The following HMGXB4 variants were observed in gnomAD, a reference collection of about 807,000 sequenced individuals.
HMGXB4 encodes HMG domain-containing protein 4.
HMGXB4 carries 27 observed loss-of-function variants against 63.9 expected under a neutral mutation model. That is an observed-to-expected ratio of 0.42 (90% CI 0.31 to 0.58). The LOEUF (loss-of-function observed/expected upper bound fraction) is 0.58, where lower values mean the gene tolerates loss of function less well. Ranked by LOEUF, HMGXB4 falls within the 20% of genes least tolerant of loss-of-function variation. The pLI, the probability that HMGXB4 is intolerant of heterozygous loss-of-function variation, is 0.13. For synonymous variants in HMGXB4, 264 were observed against 265.3 expected (o/e 0.99, Z 0.05); for missense variants, 624 against 700.7 (o/e 0.89, Z 1.24).
chr22:35,281,548 C>G (rs1279147638), intron 5 of HMGXB4, among the ~76,000 whole-genome samples: 2 of 152,164 alleles, frequency 1.3e-5, no homozygotes, highest in African/African-American at 4.8e-5. Flanking sequence ...GAACATTAAC[C>G]TTTTACAGTA....
At position 35,265,378 on chromosome 22, in the gene HMGXB4, C is replaced by G. The variant is rs751136807; in HGVS notation, c.990C>G (p.Asp330Glu). Reference protein sequence around the residue: ...KKSKKSKKKKDKEKHKEKRHS... With the variant: ...KKSKKSKKKKEKEKHKEKRHS... ...CAAAGAAGAGCAAAAAGAAGAAAGA[C>G]AAGGAGAAGCATAAAGAGAAGCGAC... Residue 330 changes from aspartate to glutamate, a missense_variant, in exon 5 of 11, where the codon GAC becomes GAG. Coordinates refer to ENST00000216106, the MANE Select transcript of HMGXB4 (RefSeq NM_001003681.3). The G allele has an allele frequency of 1.2e-6, 2 of 1,613,684 alleles. No homozygotes were observed. The highest frequency in any genetic ancestry group is 1.7e-6 in the Non-Finnish European group (2 of 1,179,938).
chr22:35,242,638 C>G, the HMGXB4 span, among the ~76,000 whole-genome samples: 1 of 151,934 alleles, frequency 6.6e-6, no homozygotes, highest in African/African-American at 2.4e-5. Flanking sequence ...GATTTTGCCT[C>G]TTATTTGTAT....
intron 5 of HMGXB4, 136 bp downstream of exon 5, chr22:35,265,739 TA>T: frequency 8.1e-7 from 1 of 1,240,948 alleles, no homozygotes; most frequent in South Asian, 1.7e-5. Context: ...TGGAATGATA[TA>T]AAGTATAAAA....
At chr22:35,280,977 A>C (rs945637768) in intron 5 of HMGXB4, among the ~76,000 whole-genome samples, 5 of 152,210 alleles carry the variant, frequency 3.3e-5, no homozygotes, top group Non-Finnish European at 5.9e-5. Flanking sequence ...TTAGAATGAC[A>C]TATTTAACTG....
chr22:35,286,041 T>A lies in HMGXB4; in HGVS notation c.1342T>A (p.Leu448Ile). ...SKKLAEVWKQ[L>I]PEKDKLIWKQ... Reference sequence around the variant, plus strand: ...AAAACTGGCTGAGGTGTGGAAGCAATTACCAGAAAAAGACAAACTGGTAAG... The same window carrying A: ...AAAACTGGCTGAGGTGTGGAAGCAAATACCAGAAAAAGACAAACTGGTAAG... Residue 448 changes from leucine (L) to isoleucine (I), a missense_variant, in exon 7 of 11, where the codon TTA (leucine) becomes ATA (isoleucine). By Grantham distance (5) the Leu-to-Ile change is conservative. This residue lies in a region of HMGXB4 where 152 missense variants were observed against 230.1 expected (regional missense o/e 0.66). Coordinates refer to ENST00000216106, the MANE Select transcript of HMGXB4 (RefSeq NM_001003681.3). 1 of 1,608,810 alleles carries A rather than the reference T, an allele frequency of 6.2e-7. No individual in the cohort carries two copies. Among genetic ancestry groups the A allele is most frequent in the Non-Finnish European group, 8.5e-7 (1 of 1,178,790 alleles).
intron 7 of HMGXB4, chr22:35,287,140 A>C: frequency 2.0e-6 from 1 of 502,162 alleles, no homozygotes; most frequent in Non-Finnish European, 3.7e-6. Context: ...GCATTGAGGA[A>C]TGTTTATAGT....
rs1337284448 is a variant in HMGXB4 at position 35,263,220 on chromosome 22, G to A, written c.174G>A (p.Lys58=). 2 of 1,609,684 alleles carry A rather than the reference G, an allele frequency of 1.2e-6. No homozygotes were observed. Among genetic ancestry groups the A allele is most frequent in the East Asian group, 2.2e-5 (1 of 44,764 alleles). ...AGGTCAGGAATTCTTCCAAGAAGAA[G>A]TTGAAGGTAAGTCCTGAAAATTTAA... The part of the protein sequence containing the change: ...AAQVRNSSKK[K]LKDSELYFLG... Residue 58 remains lysine, a synonymous_variant, in exon 3 of 11, where the codon AAG becomes AAA. Coordinates refer to ENST00000216106, the MANE Select transcript of HMGXB4 (RefSeq NM_001003681.3).
In HMGXB4 at chr22:35,262,351, GGACACAGT is replaced by G; in HGVS notation, c.-33_-26del. 1 of 1,607,102 alleles carries G rather than the reference GGACACAGT, an allele frequency of 6.2e-7. No homozygotes were observed. Among genetic ancestry groups the G allele is most frequent in the Non-Finnish European group, 8.5e-7 (1 of 1,173,576 alleles). On this transcript the variant is annotated 5_prime_UTR_variant, in exon 2 of 11. Transcript: ENST00000216106. ...TGGTCCTGTAGACGGGAAGGAGCCT[GGACACAGT>G]GACACATTCTCAAAGGCCCTGCAGG...
rs780881420 is a variant in HMGXB4, at chr22:35,265,366, AAAG to A, written c.984_986del (p.Lys329del). On this transcript the variant is annotated inframe_deletion, in exon 5 of 11. Coordinates refer to ENST00000216106, the MANE Select transcript of HMGXB4 (RefSeq NM_001003681.3). ...AGAAAAAGAAGTCAAAGAAGAGCAA[AAAG>A]AAGAAAGACAAGGAGAAGCATAAAG... 8 of 1,613,942 alleles carry A rather than the reference AAAG, an allele frequency of 5.0e-6. No individual in the cohort carries two copies. The Admixed American group carries it at 1.0e-4, about 20-fold the overall frequency.
chr22:35,289,498 G>A (rs1924803718), intron 9 of HMGXB4, among the ~76,000 whole-genome samples: 1 of 152,156 alleles, frequency 6.6e-6, no homozygotes, highest in Non-Finnish European at 1.5e-5. Context: ...GAAAAAGGAT[G>A]AGTACAAATT....
chr22:35,276,853 T>TG (rs1923941996), intron 5 of HMGXB4, among the ~76,000 whole-genome samples: 1 of 152,252 alleles, frequency 6.6e-6, no homozygotes, highest in African/African-American at 2.4e-5. Context: ...ATAAAGGTCT[T>TG]GCTGCTATTT....
chr22:35,263,325 C>G (rs1922987711), intron 3 of HMGXB4, 99 bp downstream of exon 3: 5 of 957,746 alleles, frequency 5.2e-6, no homozygotes, highest in Admixed American at 2.8e-5. Context: ...CTCTCATGGC[C>G]CAGGCTTGAA....
intron 3 of HMGXB4, 130 bp from the exon 4 acceptor site, chr22:35,263,666 G>A (rs1923010870): frequency 1.5e-6 from 1 of 673,436 alleles, no homozygotes; most frequent in South Asian, 1.8e-5. Flanking sequence ...AAAATAAAAC[G>A]TTATGCACAT....
intron 6 of HMGXB4, 139 bp from the exon 7 acceptor site, chr22:35,285,857 TG>T: frequency 1.7e-6 from 1 of 602,582 alleles, no homozygotes; most frequent in South Asian, 2.1e-5. Flanking sequence ...GTGATGGGAT[TG>T]GGGTTGGTTT....
At chr22:35,254,214 G>A (rs1406240001), upstream of HMGXB4, among the ~76,000 whole-genome samples, 1 of 152,188 alleles carries the variant, frequency 6.6e-6, no homozygotes, top group African/African-American at 2.4e-5. Context: ...CTTAGGGAGT[G>A]CCCCCTCTTC....
the HMGXB4 span, among the ~76,000 whole-genome samples, chr22:35,251,958 T>C: frequency 6.6e-6 from 1 of 152,196 alleles, no homozygotes; most frequent in African/African-American, 2.4e-5. Context: ...CTCATTCCTG[T>C]AATCCCAGGA....
the HMGXB4 span, among the ~76,000 whole-genome samples, chr22:35,242,189 A>G: frequency 1.3e-5 from 2 of 152,182 alleles, no homozygotes; most frequent in African/African-American, 4.8e-5. Flanking sequence ...ATGGAGACTT[A>G]ATTTTTGAGA....
intron 5 of HMGXB4, among the ~76,000 whole-genome samples, chr22:35,280,872 C>T (rs1453453549): frequency 6.6e-6 from 1 of 152,182 alleles, no homozygotes; most frequent in Non-Finnish European, 1.5e-5. Context: ...TCACTTCCTC[C>T]AGAAGGCTTT....
intron 8 of HMGXB4, 35 bp downstream of exon 8, chr22:35,287,487 A>C (rs1272978196): frequency 1.3e-6 from 2 of 1,496,100 alleles, no homozygotes; most frequent in African/African-American, 2.8e-5. Context: ...TTTTCTCTAA[A>C]GCATGTGAAT....
Sources: gnomAD v4.1 joint callset for allele counts (sites outside exome capture counted in the v4.1 genomes callset) on GRCh38, gnomAD v4.1.1 for gene constraint, gnomAD v4.1.1 regional missense constraint, MANE v1.5 for transcripts, NCBI Gene and HGNC (gene_info 2026-07-23, HGNC 2026-07-21) for gene names.